The following FILIP1 variants were observed in gnomAD, a reference collection of about 807,000 sequenced individuals.
FILIP1 encodes filamin-A-interacting protein 1.
FILIP1 carries 61 observed loss-of-function variants against 102.1 expected under a neutral mutation model. The observed-to-expected ratio is 0.60, with a 90% CI of 0.49 to 0.74. The LOEUF is 0.74. Among genes scored for constraint, FILIP1 ranks in the 30% least tolerant of loss-of-function variants. The pLI is 0.00. For synonymous variants in FILIP1, 491 were observed against 526.9 expected, an observed-to-expected ratio of 0.93 and a Z score of 0.93; for missense variants, 1,314 against 1,441.2, an observed-to-expected ratio of 0.91 and a Z score of 1.43.
chr6:75,397,489 T>C (rs1204942969), intron 2 of FILIP1, among the ~76,000 whole-genome samples: 1 of 79,270 alleles, frequency 1.3e-5, no homozygotes, highest in Non-Finnish European at 2.7e-5. Flanking sequence ...TAAATATATA[T>C]GTGTATATAT....
In FILIP1 at chr6:75,390,854, A is replaced by G. The variant is rs574309996; in HGVS notation, c.276+23843T>C. Reference sequence around the variant, plus strand: ...CTCTGGATTGCTGTTATTCTCTCTAATACTACTTTTGCCAATTTTTTTGTG... The same window carrying G: ...CTCTGGATTGCTGTTATTCTCTCTAGTACTACTTTTGCCAATTTTTTTGTG... On this transcript the variant is annotated intron_variant, in intron 2 of 5. Transcript: ENST00000237172. Among the ~76,000 whole-genome samples, 7 of 151,990 alleles carry G rather than the reference A, an allele frequency of 4.6e-5. No individual in the cohort carries two copies. In the South Asian group the frequency reaches 1.5e-3, roughly 32 times the overall value.
At chr6:75,319,552 C>A (rs1213715208) in intron 4 of FILIP1, 2 of 544,608 alleles carry the variant, frequency 3.7e-6, no homozygotes, top group Non-Finnish European at 7.2e-6. Context: ...ACTCTGAGGC[C>A]GGGCCCGGTG....
At chr6:75,300,302 T>C (rs896299112) in intron 6 of FILIP1, among the ~76,000 whole-genome samples, 1 of 152,152 alleles carries the variant, frequency 6.6e-6, no homozygotes, top group African/African-American at 2.4e-5. Flanking sequence ...AACAAAAACA[T>C]GTCCTCTTGG....
rs1773313602 is a variant in FILIP1 at position 75,313,873 on chromosome 6, C to T, written c.1959G>A (p.Leu653=). The change falls in exon 5 of 6, where the codon TTG becomes TTA. Residue 653 remains leucine (L), a synonymous_variant. Coordinates refer to ENST00000237172, the MANE Select transcript of FILIP1 (RefSeq NM_015687.5). The surrounding 1 kb of genome is among the most constrained non-coding windows in gnomAD (Gnocchi z 4.2). ...LQQLEVVEGD[L]MKTEDEYDQL... is the part of the protein sequence containing the mutation. ...GATCATACTCATCTTCTGTCTTCAT[C>T]AAATCCCCTTCGACCACTTCCAATT... is the stretch of plus-strand genomic sequence containing the variant. The T allele has an allele frequency of 1.2e-6, 2 of 1,614,150 alleles. No individual in the cohort carries two copies. The highest frequency in any genetic ancestry group is 2.2e-5 in the South Asian group (2 of 91,080).
At chr6:75,348,731 T>A (rs1192900442) in intron 4 of FILIP1, among the ~76,000 whole-genome samples, 1 of 152,232 alleles carries the variant, frequency 6.6e-6, no homozygotes, top group East Asian at 1.9e-4. Flanking sequence ...CCTTCTGTGA[T>A]AACTACCCCA....
At chr6:75,463,067 C>T (rs1358727182) in intron 1 of FILIP1, among the ~76,000 whole-genome samples, 1 of 152,156 alleles carries the variant, frequency 6.6e-6, no homozygotes, top group Non-Finnish European at 1.5e-5. Flanking sequence ...GAAGATGATA[C>T]ACTTGGCTCT....
intron 4 of FILIP1, among the ~76,000 whole-genome samples, chr6:75,339,340 T>C (rs1774343944): frequency 6.6e-6 from 1 of 152,238 alleles, no homozygotes; most frequent in South Asian, 2.1e-4. Context: ...CTCTGAAAAA[T>C]AGGCATGAAT....
At chr6:75,474,357 T>C (rs1409515965) in intron 1 of FILIP1, among the ~76,000 whole-genome samples, 1 of 152,190 alleles carries the variant, frequency 6.6e-6, no homozygotes. Flanking sequence ...CTTTTCACTG[T>C]AACAATAATG....
intron 2 of FILIP1, among the ~76,000 whole-genome samples, chr6:75,371,004 A>G (rs1431153846): frequency 6.6e-6 from 1 of 152,202 alleles, no homozygotes; most frequent in Non-Finnish European, 1.5e-5. Context: ...ATTGAATTAT[A>G]CTATTTACCT....
At chr6:75,410,184 A>G (rs1777012824) in intron 2 of FILIP1, among the ~76,000 whole-genome samples, 1 of 152,146 alleles carries the variant, frequency 6.6e-6, no homozygotes, top group Non-Finnish European at 1.5e-5. Context: ...CCATAAAGAG[A>G]GAGCAATAGG....
chr6:75,440,987 CTTT>C (rs930308096), intron 1 of FILIP1, among the ~76,000 whole-genome samples: 3 of 141,216 alleles, frequency 2.1e-5, no homozygotes, highest in African/African-American at 7.8e-5. Flanking sequence ...GTAAAACTTC[CTTT>C]TTTTTTTTTT....
chr6:75,312,944 T>G lies in FILIP1; in HGVS notation c.2888A>C (p.Gln963Pro), dbSNP rs1773260627. ...TIIPSPNVMP[Q>P]KQKSGDTTLG... The stretch of plus-strand genomic sequence containing the variant: ...AGTAGTATCTCCACTTTTTTGTTTT[T>G]GAGGCATAACGTTTGGTGATGGAAT... Residue 963 changes from glutamine to proline, a missense_variant, in exon 5 of 6, where the codon CAA becomes CCA. Physicochemically the swap from Gln to Pro is moderately conservative, Grantham distance 76. This residue lies in a region of FILIP1 where 816 missense variants were observed against 913.1 expected (regional missense o/e 0.89). Transcript: ENST00000237172. 2 of 1,614,178 alleles carry G rather than the reference T, an allele frequency of 1.2e-6. No individual in the cohort carries two copies. The highest frequency in any genetic ancestry group is 1.7e-6 in the Non-Finnish European group (2 of 1,180,022).
In FILIP1 at chr6:75,322,372, C is replaced by G. The variant is rs1309191095; in HGVS notation, c.630-7170G>C. Among the ~76,000 whole-genome samples the G allele has an allele frequency of 2.6e-5, 4 of 152,162 alleles. No individual in the cohort carries two copies. The East Asian group carries it at 7.7e-4, about 29-fold the overall frequency. The stretch of plus-strand genomic sequence containing the variant: ...CTTGTGCCAACTAGTCTTACCACCT[C>G]CTCTCCATTCTCTTCTCCGCTCACC... On this transcript the variant is annotated intron_variant, in intron 4 of 5. Transcript: ENST00000237172.
At chr6:75,295,895 G>T in exon 7 of FILIP1, 2 of 1,448,296 alleles carry the variant, frequency 1.4e-6, no homozygotes, top group Non-Finnish European at 1.8e-6. Context: ...CCCAGTATGT[G>T]CTTGGTTTAC....
chr6:75,418,698 TATA>T (rs1470842690), intron 1 of FILIP1, among the ~76,000 whole-genome samples: 2 of 152,154 alleles, frequency 1.3e-5, no homozygotes, highest in African/African-American at 4.8e-5. Context: ...CATCCCAGTG[TATA>T]TCCTTTAAAA....
chr6:75,321,531 A>C (rs1459994174), intron 4 of FILIP1, among the ~76,000 whole-genome samples: 1 of 152,030 alleles, frequency 6.6e-6, no homozygotes, highest in Non-Finnish European at 1.5e-5. Context: ...GCGGTGGCTC[A>C]CGCCTGTAAT....
rs770693128 is a variant in FILIP1 at position 75,313,245 on chromosome 6, G to A, written c.2587C>T (p.Leu863Phe). The A allele has an allele frequency of 6.2e-7, 1 of 1,614,018 alleles. No individual in the cohort carries two copies. The highest frequency in any genetic ancestry group is 8.5e-7 in the Non-Finnish European group (1 of 1,180,038). ...GGAATCCAAGACTTTCTCATAGTGA[G>A]CTCATTTGCTGCTGGAGGATACCTG... The part of the protein sequence containing the change: ...LDRYPPAANE[L>F]TMRKSWIPWM... Residue 863 changes from leucine to phenylalanine, a missense_variant, in exon 5 of 6, where the codon CTC (leucine) becomes TTC (phenylalanine). Physicochemically the swap from Leu to Phe is conservative, Grantham distance 22 (BLOSUM62 0). Transcript: ENST00000237172. This position sits in a 1 kb window ranked among gnomAD's most constrained non-coding sequence, Gnocchi z 4.2.
intron 2 of FILIP1, among the ~76,000 whole-genome samples, chr6:75,407,149 G>T (rs1280319266): frequency 6.6e-6 from 1 of 152,158 alleles, no homozygotes; most frequent in Non-Finnish European, 1.5e-5. Flanking sequence ...AACCCCAAAA[G>T]AATGTGTTTA....
chr6:75,317,028 C>A (rs961471284), intron 4 of FILIP1, among the ~76,000 whole-genome samples: 6 of 152,182 alleles, frequency 3.9e-5, no homozygotes, highest in African/African-American at 1.4e-4. Flanking sequence ...GTTAAAGCTT[C>A]TAAAAATATA....
Sources: allele counts gnomAD v4.1 joint callset (sites outside exome capture counted in the v4.1 genomes callset), GRCh38; gene constraint gnomAD v4.1.1; regional missense constraint gnomAD v4.1.1; non-coding constraint Gnocchi (gnomAD v3.1); transcripts MANE v1.5; gene names NCBI Gene and HGNC (gene_info 2026-07-23, HGNC 2026-07-21).